The following GABBR2 variants were observed in gnomAD, a reference collection of about 807,000 sequenced individuals.
The protein encoded by GABBR2 is gamma-aminobutyric acid type B receptor subunit 2.
In GABBR2, 23 loss-of-function variants were observed where a neutral mutation model predicts 105.6. The observed-to-expected ratio is 0.22, with a 90% CI of 0.16 to 0.31. GABBR2 has a LOEUF of 0.31. Ranked by LOEUF, GABBR2 falls within the 10% of genes least tolerant of loss-of-function variation. The pLI is 1.00. For missense variants in GABBR2, 734 were observed against 1,245.5 expected, an observed-to-expected ratio of 0.59 and a Z score of 6.18; for synonymous variants, 478 against 499.7, an observed-to-expected ratio of 0.96 and a Z score of 0.58.
At chr9:98,684,007 C>CAAAAAAAAA (rs367642589) in intron 1 of GABBR2, among the ~76,000 whole-genome samples, 2 of 105,926 alleles carry the variant, frequency 1.9e-5, no homozygotes, top group Admixed American at 1.0e-4. Context: ...GACTCCATCT[C>CAAAAAAAAA]AAAAAAAAAA....
At chr9:98,554,996 TG>T (rs1213380579) in intron 2 of GABBR2, among the ~76,000 whole-genome samples, 1 of 152,192 alleles carries the variant, frequency 6.6e-6, no homozygotes, top group African/African-American at 2.4e-5. Flanking sequence ...CCTCCAACTT[TG>T]GGAACTTCAG....
intron 1 of GABBR2, among the ~76,000 whole-genome samples, chr9:98,610,352 C>T (rs546300848): frequency 1.3e-5 from 2 of 152,224 alleles, no homozygotes; most frequent in Admixed American, 6.5e-5. Flanking sequence ...GCCTGCACTA[C>T]GTGAGGGCTC....
intron 1 of GABBR2, among the ~76,000 whole-genome samples, chr9:98,581,617 C>A (rs1165563809): frequency 5.3e-5 from 8 of 151,942 alleles, no homozygotes; most frequent in Non-Finnish European, 1.0e-4. Context: ...CTTCTCACCC[C>A]CAACAGAGCA....
intron 1 of GABBR2, among the ~76,000 whole-genome samples, chr9:98,645,742 A>G (rs989255392): frequency 3.3e-5 from 5 of 152,220 alleles, no homozygotes; most frequent in Non-Finnish European, 7.3e-5. Context: ...CCAAGCATGT[A>G]TATTGAGCAC....
chr9:98,570,350 T>G (rs574359381), intron 2 of GABBR2, among the ~76,000 whole-genome samples: 1 of 152,358 alleles, frequency 6.6e-6, no homozygotes, highest in Non-Finnish European at 1.5e-5. Context: ...CTCTGTGGGA[T>G]GCAGTTCTTG....
intron 4 of GABBR2, among the ~76,000 whole-genome samples, chr9:98,489,195 TAG>T (rs1827122771): frequency 2.0e-5 from 3 of 152,312 alleles, no homozygotes; most frequent in South Asian, 4.1e-4. Context: ...ACTGCTATTG[TAG>T]AGTTATTGTG....
At chr9:98,609,155 C>T (rs1226301448) in intron 1 of GABBR2, among the ~76,000 whole-genome samples, 1 of 152,130 alleles carries the variant, frequency 6.6e-6, no homozygotes, top group Non-Finnish European at 1.5e-5. Flanking sequence ...AATGTACAAA[C>T]AACATGCATC....
chr9:98,605,414 T>G (rs1564128540), intron 1 of GABBR2, among the ~76,000 whole-genome samples: 1 of 152,200 alleles, frequency 6.6e-6, no homozygotes, highest in Non-Finnish European at 1.5e-5. Flanking sequence ...GAGGCTAAGC[T>G]TGCATCTGTA....
At chr9:98,383,543 C>T (rs1286294573) in intron 11 of GABBR2, among the ~76,000 whole-genome samples, 1 of 152,146 alleles carries the variant, frequency 6.6e-6, no homozygotes, top group Non-Finnish European at 1.5e-5. Context: ...TCATGCAGGT[C>T]CCTCCAGGAG....
At chr9:98,706,614 C>T (rs911197864) in intron 1 of GABBR2, among the ~76,000 whole-genome samples, 15 of 152,218 alleles carry the variant, frequency 9.9e-5, no homozygotes, top group Non-Finnish European at 2.2e-4. Flanking sequence ...GCACCCATCT[C>T]TTTGCTGCCA....
At chr9:98,495,940 C>T (rs1013740386) in intron 4 of GABBR2, 1 of 166,066 alleles carries the variant, frequency 6.0e-6, no homozygotes, top group South Asian at 1.7e-4. Flanking sequence ...AAGGAATGGA[C>T]AAATGAAAAT....
intron 2 of GABBR2, among the ~76,000 whole-genome samples, chr9:98,576,996 GTGGA>G (rs1200195973): frequency 7.1e-6 from 1 of 139,878 alleles, no homozygotes; most frequent in African/African-American, 2.8e-5. Flanking sequence ...GGATGTATGG[GTGGA>G]TGGATGGATG....
chr9:98,676,134 G>A (rs748229102), intron 1 of GABBR2, among the ~76,000 whole-genome samples: 25 of 152,228 alleles, frequency 1.6e-4, no homozygotes, highest in Non-Finnish European at 2.9e-4. Flanking sequence ...GTTCTTATAC[G>A]TGGGAGGCTA....
At chr9:98,461,641 C>T (rs767703988) in intron 6 of GABBR2, among the ~76,000 whole-genome samples, 12 of 152,076 alleles carry the variant, frequency 7.9e-5, no homozygotes, top group African/African-American at 9.7e-5. Flanking sequence ...AATATCTTCA[C>T]GAGCATGGGT....
At position 98,448,937 on chromosome 9, in the gene GABBR2, T is replaced by A. The variant is rs576335587; in HGVS notation, c.1236+5044A>T. On this transcript the variant is annotated intron_variant, in intron 7 of 18. Transcript: ENST00000259455. ...AAGAGTTTAAAAAAAAAAAAAAAGA[T>A]CACCTGAAGAACTTTAAGGCTTTGA... is the stretch of plus-strand genomic sequence containing the variant. 1.8e-3 allele frequency among the ~76,000 whole-genome samples: 272 copies of A among 147,954 alleles called. 2 individuals carry two copies. Among genetic ancestry groups the A allele is most frequent in the African/African-American group, 6.2e-3 (249 of 40,118 alleles).
chr9:98,646,455 A>G lies in GABBR2; in HGVS notation c.321+61962T>C, dbSNP rs561520361. 8.5e-5 allele frequency among the ~76,000 whole-genome samples: 13 copies of G among 152,062 alleles called. No individual in the cohort carries two copies. In the East Asian group the frequency reaches 2.5e-3, roughly 29 times the overall value. ...GAAGCTCGCACCTGGTTTCCTCTGG[A>G]CTTCTCCCCACCAGCCTATTCCCTT... On this transcript the variant is annotated intron_variant, in intron 1 of 18. Transcript: ENST00000259455.
intron 1 of GABBR2, among the ~76,000 whole-genome samples, chr9:98,593,176 T>C (rs552100231): frequency 6.6e-6 from 1 of 152,146 alleles, no homozygotes; most frequent in Non-Finnish European, 1.5e-5. Context: ...TACAACTCAG[T>C]GGCATTAAGT....
intron 13 of GABBR2, among the ~76,000 whole-genome samples, chr9:98,342,636 G>C (rs1050509460): frequency 2.0e-5 from 3 of 152,172 alleles, no homozygotes; most frequent in Non-Finnish European, 4.4e-5. Flanking sequence ...TGGGGCCCCA[G>C]CCTGGCCATC....
At chr9:98,605,067 G>A (rs1829394359) in intron 1 of GABBR2, among the ~76,000 whole-genome samples, 1 of 152,238 alleles carries the variant, frequency 6.6e-6, no homozygotes, top group East Asian at 1.9e-4. Flanking sequence ...CATCAGCCAG[G>A]AGACAAGATA....
Sources: allele counts gnomAD v4.1 joint callset (sites outside exome capture counted in the v4.1 genomes callset), GRCh38; gene constraint gnomAD v4.1.1; transcripts MANE v1.5; gene names NCBI Gene and HGNC (gene_info 2026-07-23, HGNC 2026-07-21).